PRTG: variants seen among roughly 807,000 people sequenced by gnomAD.
PRTG encodes immunoglobulin superfamily, DCC subclass, member 5.
In PRTG, 67 loss-of-function variants were observed where a neutral mutation model predicts 122.5. That is an observed-to-expected ratio of 0.55 (90% CI 0.45 to 0.67). The LOEUF is 0.67. Among genes scored for constraint, PRTG ranks in the 30% least tolerant of loss-of-function variants. The pLI is 0.00. For synonymous variants in PRTG, 554 were observed against 501.1 expected, an observed-to-expected ratio of 1.11 and a Z score of -1.41; for missense variants, 1,435 against 1,415.4, an observed-to-expected ratio of 1.01 and a Z score of -0.22.
intron 13 of PRTG, 47 bp from the exon 14 acceptor site, chr15:55,638,723 G>C (rs773721598): frequency 6.5e-7 from 1 of 1,537,040 alleles, no homozygotes; most frequent in East Asian, 2.3e-5. Flanking sequence ...GTATAATATT[G>C]TTTGTAAAAG....
chr15:55,670,953 A>T (rs978427301), intron 11 of PRTG, among the ~76,000 whole-genome samples: 136 of 132,024 alleles, frequency 1.0e-3, no homozygotes, highest in African/African-American at 3.5e-3. Context: ...ACACACACAC[A>T]CTTTGTGTGT....
chr15:55,725,593 C>T (rs1401375148), intron 2 of PRTG, among the ~76,000 whole-genome samples: 1 of 119,924 alleles, frequency 8.3e-6, no homozygotes, highest in African/African-American at 3.2e-5. Flanking sequence ...GACCCTGTCT[C>T]AAAAAAAAAA....
chr15:55,726,854 G>A (rs1245903675), intron 2 of PRTG, among the ~76,000 whole-genome samples: 1 of 151,534 alleles, frequency 6.6e-6, no homozygotes, highest in African/African-American at 2.4e-5. Flanking sequence ...GGCTGAGGCA[G>A]GAGGACTGCT....
At chr15:55,636,258 T>A (rs1292411627) in intron 15 of PRTG, among the ~76,000 whole-genome samples, 1 of 152,174 alleles carries the variant, frequency 6.6e-6, no homozygotes, top group Non-Finnish European at 1.5e-5. Context: ...CTAATCAGCT[T>A]TTCCCTGTAT....
At position 55,619,919 on chromosome 15, in the gene PRTG, A is replaced by T. The variant is rs2059156802; in HGVS notation, c.*93T>A. Reference sequence around the variant, plus strand: ...CATGGCAGATGGCGGCTGCAGAACTAAGGAGGAAGTCTGCTCACTAACAGA... The same window carrying T: ...CATGGCAGATGGCGGCTGCAGAACTTAGGAGGAAGTCTGCTCACTAACAGA... On this transcript the variant is annotated 3_prime_UTR_variant, in exon 20 of 20. Transcript: ENST00000389286. The T allele has an allele frequency of 2.6e-6, 4 of 1,553,056 alleles. No individual in the cohort carries two copies. In the Admixed American group the frequency reaches 7.6e-5, roughly 29 times the overall value.
chr15:55,656,607 A>G lies in PRTG; in HGVS notation c.2042-15399T>C, dbSNP rs534701324. Among the ~76,000 whole-genome samples, 30 of 152,276 alleles carry G rather than the reference A, an allele frequency of 2.0e-4. 1 individual carries two copies. The South Asian group carries it at 6.0e-3, about 31-fold the overall frequency. On this transcript the variant is annotated intron_variant, in intron 11 of 19. Transcript: ENST00000389286. Reference sequence around the variant, plus strand: ...ACAGCAAGCTCTGCCTCCCGGGTTCATGCCATTCTCTTGCCTCAGCCTCCC... The same window carrying G: ...ACAGCAAGCTCTGCCTCCCGGGTTCGTGCCATTCTCTTGCCTCAGCCTCCC...
rs4486820 is a variant in PRTG at position 55,716,509 on chromosome 15, G to C, written c.397+23873C>G. ...CGGAAAGGTTTTGGACTATCAAGAG[G>C]ATTTCAGCAGGAAGCTGCAACATCT... is the stretch of plus-strand genomic sequence containing the variant. On this transcript the variant is annotated intron_variant, in intron 2 of 19. Coordinates refer to ENST00000389286, the MANE Select transcript of PRTG (RefSeq NM_173814.6). 3.4e-3 allele frequency among the ~76,000 whole-genome samples: 512 copies of C among 152,256 alleles called. 3 individuals are homozygous for C. The highest frequency in any genetic ancestry group is 0.012 in the African/African-American group (481 of 41,540).
intron 2 of PRTG, among the ~76,000 whole-genome samples, chr15:55,728,073 C>G (rs944280900): frequency 6.6e-6 from 1 of 151,994 alleles, no homozygotes; most frequent in African/African-American, 2.4e-5. Flanking sequence ...ACCATGTTGC[C>G]CAGGCTGGTC....
intron 2 of PRTG, among the ~76,000 whole-genome samples, chr15:55,704,042 T>G (rs981724604): frequency 3.3e-5 from 5 of 152,214 alleles, no homozygotes; most frequent in African/African-American, 4.8e-5. Context: ...TTAACCAGCT[T>G]CAAAGCTGTT....
At chr15:55,728,145 C>T (rs551969081) in intron 2 of PRTG, among the ~76,000 whole-genome samples, 2 of 152,242 alleles carry the variant, frequency 1.3e-5, no homozygotes, top group South Asian at 4.2e-4. Context: ...GAATTACAGG[C>T]ATGACCCACT....
intron 11 of PRTG, among the ~76,000 whole-genome samples, chr15:55,663,789 G>T (rs576192948): frequency 1.3e-5 from 2 of 152,018 alleles, no homozygotes; most frequent in African/African-American, 4.8e-5. Context: ...TGATCCACCC[G>T]CCTCGGCCTC....
At chr15:55,726,636 C>A in intron 2 of PRTG, among the ~76,000 whole-genome samples, 1 of 131,046 alleles carries the variant, frequency 7.6e-6, no homozygotes, top group Admixed American at 7.7e-5. Flanking sequence ...AGCGAATCTT[C>A]GTCTCAAAAA....
chr15:55,728,221 C>A lies in PRTG; in HGVS notation c.397+12161G>T, dbSNP rs191324095. ...CAATTCTTCTCAAAATCTTCCAAAA[C>A]AATACAGTATTTTTATAGGGAATAT... On this transcript the variant is annotated intron_variant, in intron 2 of 19. Coordinates refer to ENST00000389286, the MANE Select transcript of PRTG (RefSeq NM_173814.6). 9.7e-4 allele frequency among the ~76,000 whole-genome samples: 147 copies of A among 152,240 alleles called. 2 individuals carry two copies. Among genetic ancestry groups the A allele is most frequent in the African/African-American group, 2.5e-3 (103 of 41,540 alleles).
chr15:55,718,590 A>C (rs2030691590), intron 2 of PRTG, among the ~76,000 whole-genome samples: 1 of 151,232 alleles, frequency 6.6e-6, no homozygotes, highest in African/African-American at 2.4e-5. Flanking sequence ...GCCTGCACCC[A>C]CGTGAAATAA....
intron 2 of PRTG, among the ~76,000 whole-genome samples, chr15:55,687,498 G>C (rs376853260): frequency 6.6e-6 from 1 of 152,104 alleles, no homozygotes; most frequent in Admixed American, 6.6e-5. Context: ...ATATGCCTGG[G>C]CACCACTGCC....
At chr15:55,622,249 G>C (rs1384368661) in intron 18 of PRTG, among the ~76,000 whole-genome samples, 2 of 120,730 alleles carry the variant, frequency 1.7e-5, no homozygotes, top group African/African-American at 6.4e-5. Flanking sequence ...ACAGAGTCTC[G>C]TTCTTGTTGC....
chr15:55,688,047 T>C, intron 2 of PRTG, among the ~76,000 whole-genome samples: 1 of 152,170 alleles, frequency 6.6e-6, no homozygotes, highest in Non-Finnish European at 1.5e-5. Context: ...TTCCACTCTC[T>C]CCCAACCTCA....
intron 19 of PRTG, 74 bp from the exon 20 acceptor site, chr15:55,620,340 CCA>C: frequency 1.3e-6 from 2 of 1,566,796 alleles, no homozygotes; most frequent in East Asian, 4.5e-5. Context: ...CATCAGGTCC[CCA>C]CAGACAGGTG....
intron 2 of PRTG, among the ~76,000 whole-genome samples, chr15:55,716,409 C>T (rs200564661): frequency 1.3e-5 from 2 of 152,190 alleles, no homozygotes; most frequent in East Asian, 3.9e-4. Context: ...CACTACAGAA[C>T]CACTTCCTTA....
Sources: allele counts gnomAD v4.1 joint callset (sites outside exome capture counted in the v4.1 genomes callset), GRCh38; gene constraint gnomAD v4.1.1; transcripts MANE v1.5; gene names NCBI Gene and HGNC (gene_info 2026-07-23, HGNC 2026-07-21).